SMU1: variants seen among roughly 807,000 people sequenced by gnomAD.
The protein encoded by SMU1 is WD40 repeat-containing protein SMU1.
A neutral mutation model predicts 62.0 loss-of-function variants in SMU1; 2 were observed. That is an observed-to-expected ratio of 0.03 (90% CI 0.01 to 0.10). The LOEUF (loss-of-function observed/expected upper bound fraction) is 0.10. Among genes scored for constraint, SMU1 ranks in the 10% least tolerant of loss-of-function variants. The pLI is 1.00. For synonymous variants in SMU1, 188 were observed against 212.4 expected, an observed-to-expected ratio of 0.89 and a Z score of 1.00; for missense variants, 227 against 622.1, an observed-to-expected ratio of 0.36 and a Z score of 6.76.
Position 33,045,237 on chromosome 9 carries a change from C to T in SMU1, c.*2056G>A, listed in dbSNP as rs974992583. 1 of 152,164 alleles carries T rather than the reference C, an allele frequency of 6.6e-6. No individual in the cohort carries two copies. Among genetic ancestry groups the T allele is most frequent in the Non-Finnish European group, 1.5e-5 (1 of 68,030 alleles). The allele number at this position is 152,164 out of a possible 1,614,324, so 9.4% of individuals were successfully genotyped here. On this transcript the variant is annotated 3_prime_UTR_variant, in exon 12 of 12. Transcript: ENST00000397149. Reference sequence around the variant, plus strand: ...AGGACTTTTCTAAAAATTTTTTTAGCATAAACTGTTTCCTCTAACTTAAAC... The same window carrying T: ...AGGACTTTTCTAAAAATTTTTTTAGTATAAACTGTTTCCTCTAACTTAAAC...
intron 3 of SMU1, 90 bp from the exon 4 acceptor site, chr9:33,069,024 C>T (rs1050695736): frequency 3.4e-6 from 5 of 1,452,028 alleles, no homozygotes; most frequent in Admixed American, 5.1e-5. Flanking sequence ...GAAGCATACA[C>T]AGAGGAAAAT....
intron 1 of SMU1, among the ~76,000 whole-genome samples, chr9:33,075,529 A>G (rs527609467): frequency 1.3e-5 from 2 of 152,148 alleles, no homozygotes; most frequent in South Asian, 2.1e-4. Flanking sequence ...TCCATTTTAC[A>G]CTCCCAAAAT....
intron 9 of SMU1, 97 bp from the exon 10 acceptor site, chr9:33,053,387 G>T: frequency 2.4e-6 from 3 of 1,251,282 alleles, no homozygotes; most frequent in Non-Finnish European, 3.3e-6. Flanking sequence ...AAAAAGAATA[G>T]AAATGATTCA....
intron 4 of SMU1, among the ~76,000 whole-genome samples, chr9:33,062,538 C>T (rs573195005): frequency 1.3e-5 from 2 of 152,182 alleles, no homozygotes; most frequent in African/African-American, 2.4e-5. Context: ...CTTCCCCCCC[C>T]ACATATGTGT....
At chr9:33,065,075 C>T (rs1407571532) in intron 4 of SMU1, among the ~76,000 whole-genome samples, 4 of 152,062 alleles carry the variant, frequency 2.6e-5, no homozygotes, top group African/African-American at 7.2e-5. Flanking sequence ...CATGCTTTCC[C>T]TAGGTAATTA....
intron 1 of SMU1, among the ~76,000 whole-genome samples, chr9:33,074,441 C>T (rs1839520040): frequency 6.6e-6 from 1 of 151,418 alleles, no homozygotes; most frequent in Non-Finnish European, 1.5e-5. Flanking sequence ...TCTACACACA[C>T]ACACACACAA....
intron 5 of SMU1, among the ~76,000 whole-genome samples, chr9:33,061,170 A>G (rs960270096): frequency 6.6e-6 from 1 of 152,226 alleles, no homozygotes; most frequent in African/African-American, 2.4e-5. Context: ...GATGCTCCCA[A>G]TAACAGATGA....
chr9:33,068,971 GCAA>G (rs767023268), intron 3 of SMU1, 37 bp from the exon 4 acceptor site: 59 of 1,608,508 alleles, frequency 3.7e-5, no homozygotes, highest in Admixed American at 8.4e-5. Flanking sequence ...TTTCCAAGAA[GCAA>G]CAACAAGATA....
chr9:33,067,584 T>C (rs10971382), intron 4 of SMU1, among the ~76,000 whole-genome samples: 17,573 of 150,944 alleles, frequency 0.12, 1,176 homozygotes, highest in Non-Finnish European at 0.15. Context: ...CTGCAACCTC[T>C]GCCTCCTGGG....
Position 33,056,152 on chromosome 9 carries a change from T to A in SMU1, c.1083A>T (p.Gly361=). 6.2e-7 allele frequency: 1 copy of A among 1,613,406 alleles called. No homozygotes were observed. The highest frequency in any genetic ancestry group is 8.5e-7 in the Non-Finnish European group (1 of 1,179,666). Residue 361 remains glycine, a synonymous_variant, in exon 9 of 12, where the codon GGA becomes GGT. Coordinates refer to ENST00000397149, the MANE Select transcript of SMU1 (RefSeq NM_018225.3). The stretch of plus-strand genomic sequence containing the variant: ...CAGAGGATGCACTAATAATGTAATG[T>A]CCATCTTGTGTAAATGTTGCTTCGT... ...FVNEATFTQD[G]HYIISASSDG...
rs753101005 is a variant in SMU1 at position 33,056,820 on chromosome 9, T to G, written c.995+17A>C. 1.2e-6 allele frequency: 2 copies of G among 1,609,212 alleles called. No individual in the cohort carries two copies. Among genetic ancestry groups the G allele is most frequent in the Admixed American group, 1.7e-5 (1 of 59,260 alleles). ...ATATCAAACTCAAGTGAGAGCAGTT[T>G]TGGGATTTTTACTTACCTAATTGTC... On this transcript the variant is annotated intron_variant, in intron 8 of 11. Coordinates refer to ENST00000397149, the MANE Select transcript of SMU1 (RefSeq NM_018225.3).
intron 2 of SMU1, 36 bp from the exon 3 acceptor site, chr9:33,071,928 TGTTTCA>T (rs1413739379): frequency 6.7e-7 from 1 of 1,487,762 alleles, no homozygotes; most frequent in Non-Finnish European, 8.9e-7. Context: ...AAACCCCAGA[TGTTTCA>T]ACACACCGTC....
In SMU1 at chr9:33,070,045, G is replaced by A. The variant is rs139704248; in HGVS notation, c.391-1111C>T. 2.6e-3 allele frequency among the ~76,000 whole-genome samples: 392 copies of A among 151,554 alleles called. 2 individuals carry two copies. The highest frequency in any genetic ancestry group is 9.1e-3 in the African/African-American group (377 of 41,288). ...GTGGCTGAGGCACGAGAATTACTTG[G>A]ACCCAGGAAGCGGAGGCTGCAGTGA... is the stretch of plus-strand genomic sequence containing the variant. On this transcript the variant is annotated intron_variant, in intron 3 of 11. Coordinates refer to ENST00000397149, the MANE Select transcript of SMU1 (RefSeq NM_018225.3).
intron 4 of SMU1, among the ~76,000 whole-genome samples, chr9:33,065,805 T>C (rs1036207868): frequency 2.0e-5 from 3 of 152,132 alleles, no homozygotes; most frequent in African/African-American, 7.2e-5. Context: ...TCAGGTGATG[T>C]ATATTCTGGA....
chr9:33,048,049 CAGAA>C lies in SMU1; in HGVS notation c.1443+53_1443+56del. On this transcript the variant is annotated intron_variant, in intron 11 of 11. Transcript: ENST00000397149. ...TGGAAAAGGCACATACTTCAGAGTT[CAGAA>C]AGACACAAGTCCTACCATATTTCTT... 3 of 1,547,624 alleles carry C rather than the reference CAGAA, an allele frequency of 1.9e-6. No individual in the cohort carries two copies. The South Asian group carries it at 3.5e-5, about 18-fold the overall frequency.
Position 33,053,401 on chromosome 9 carries a change from GA to G in SMU1, c.1123-112del, listed in dbSNP as rs981487061. The G allele has an allele frequency of 6.1e-5, 69 of 1,138,174 alleles. No individual in the cohort carries two copies. The African/African-American group carries it at 1.0e-3, about 17-fold the overall frequency. 70.5% of individuals were successfully genotyped at this position (1,138,174 alleles called of 1,614,324 possible). A position where few individuals can be genotyped will look rare whatever the true frequency, so the allele number is the denominator to read the frequency against. The stretch of plus-strand genomic sequence containing the variant: ...AAAAAAGAATAGAAATGATTCAGGG[GA>G]AAAAAGTTTCTTACTTGATTTTAGG... On this transcript the variant is annotated intron_variant, in intron 9 of 11. Transcript: ENST00000397149.
intron 2 of SMU1, among the ~76,000 whole-genome samples, chr9:33,073,115 G>C (rs1564025699): frequency 1.3e-5 from 2 of 152,180 alleles, no homozygotes; most frequent in Non-Finnish European, 2.9e-5. Context: ...TATGTGATTA[G>C]AAAGTTGAGG....
At chr9:33,053,428 T>C (rs1027108637) in intron 9 of SMU1, 138 bp from the exon 10 acceptor site, 2 of 809,818 alleles carry the variant, frequency 2.5e-6, no homozygotes, top group African/African-American at 1.7e-5. Flanking sequence ...TGATTTTAGG[T>C]CCAATCAAAT....
chr9:33,075,320 T>G (rs1839533890), intron 1 of SMU1, among the ~76,000 whole-genome samples: 1 of 151,732 alleles, frequency 6.6e-6, no homozygotes, highest in South Asian at 2.1e-4. Context: ...GTGCTTGCAG[T>G]GAGCGGAGAT....
Sources: gnomAD v4.1 joint callset for allele counts (sites outside exome capture counted in the v4.1 genomes callset) on GRCh38, gnomAD v4.1.1 for gene constraint, MANE v1.5 for transcripts, NCBI Gene and HGNC (gene_info 2026-07-23, HGNC 2026-07-21) for gene names.